Variants in USH2A observed in about 807,000 individuals in gnomAD.
USH2A encodes Usher syndrome 2A (autosomal recessive, mild).
A neutral mutation model predicts 538.9 loss-of-function variants in USH2A; 443 were observed. The observed-to-expected ratio is 0.82, with a 90% CI of 0.76 to 0.89. The LOEUF is 0.89. Among genes scored for constraint, USH2A ranks in the 40% least tolerant of loss-of-function variants. The pLI, the probability that USH2A is intolerant of heterozygous loss-of-function variation, is 0.00. For synonymous variants in USH2A, 2,413 were observed against 2,273.5 expected, an observed-to-expected ratio of 1.06 and a Z score of -1.75; for missense variants, 6,633 against 6,324.8, an observed-to-expected ratio of 1.05 and a Z score of -1.65.
chr1:216,355,383 G>GAAAGAAAC lies in USH2A; in HGVS notation c.784+9569_784+9570insGTTTCTTT, dbSNP rs879931965. The stretch of plus-strand genomic sequence containing the variant: ...AGAAAGAAAGAAAGAAAGAAGGAAA[G>GAAAGAAAC]AAACATATAGTATACAAGAAAACAT... On this transcript the variant is annotated intron_variant, in intron 4 of 71. Transcript: ENST00000307340. Among the ~76,000 whole-genome samples, 77 of 148,420 alleles carry GAAAGAAAC rather than the reference G, an allele frequency of 5.2e-4. 2 individuals are homozygous for GAAAGAAAC. Among genetic ancestry groups the GAAAGAAAC allele is most frequent in the Admixed American group, 6.7e-4 (10 of 14,820 alleles).
chr1:216,269,353 A>G (rs1263263903), intron 11 of USH2A, among the ~76,000 whole-genome samples: 1 of 152,056 alleles, frequency 6.6e-6, no homozygotes, highest in East Asian at 1.9e-4. Flanking sequence ...ACAAGATGTG[A>G]CTTACTCCTC....
At chr1:215,748,961 CT>C (rs1660554148) in intron 58 of USH2A, among the ~76,000 whole-genome samples, 1 of 152,194 alleles carries the variant, frequency 6.6e-6, no homozygotes, top group Non-Finnish European at 1.5e-5. Flanking sequence ...CCCTCAAACA[CT>C]TTTGAATCCA....
chr1:216,006,205 C>G (rs77007851), intron 32 of USH2A, among the ~76,000 whole-genome samples: 5,535 of 152,256 alleles, frequency 0.036, 324 homozygotes, highest in African/African-American at 0.13. Flanking sequence ...CCTACTACTT[C>G]ATAATCTTCA....
chr1:215,869,602 T>A (rs1436902847), intron 43 of USH2A, among the ~76,000 whole-genome samples: 1 of 152,184 alleles, frequency 6.6e-6, no homozygotes, highest in Admixed American at 6.5e-5. Flanking sequence ...GCTCTCTCCC[T>A]GGGTAAAATA....
At chr1:216,010,446 C>G (rs983631053) in intron 32 of USH2A, among the ~76,000 whole-genome samples, 8 of 151,380 alleles carry the variant, frequency 5.3e-5, no homozygotes, top group African/African-American at 1.9e-4. Context: ...TCTGACTGAC[C>G]CCTTCTCGGC....
intron 38 of USH2A, among the ~76,000 whole-genome samples, chr1:215,902,024 AACTATTATT>A (rs1224397949): frequency 6.6e-6 from 1 of 151,994 alleles, no homozygotes; most frequent in Non-Finnish European, 1.5e-5. Flanking sequence ...ATTAGTCACT[AACTATTATT>A]ACTATTATTA....
intron 21 of USH2A, among the ~76,000 whole-genome samples, chr1:216,136,255 A>G (rs910480104): frequency 6.6e-6 from 1 of 152,094 alleles, no homozygotes; most frequent in Non-Finnish European, 1.5e-5. Flanking sequence ...ATCTCTATAA[A>G]TATAAGAAAA....
chr1:215,761,141 C>T (rs61339549), intron 56 of USH2A, among the ~76,000 whole-genome samples: 10,666 of 152,164 alleles, frequency 0.07, 738 homozygotes, highest in East Asian at 0.36. Context: ...TTTTGAACTT[C>T]GGTTCCTTTG....
chr1:216,077,000 G>A (rs2031775425), intron 27 of USH2A, among the ~76,000 whole-genome samples: 1 of 152,114 alleles, frequency 6.6e-6, no homozygotes, highest in East Asian at 1.9e-4. Context: ...CTTTATAACA[G>A]GCTGCCTGAG....
chr1:216,179,523 C>T (rs527926227), intron 20 of USH2A, among the ~76,000 whole-genome samples: 1 of 151,910 alleles, frequency 6.6e-6, no homozygotes, highest in East Asian at 1.9e-4. Context: ...AAAAACAAAA[C>T]AAAAAACATT....
At position 216,084,791 on chromosome 1, in the gene USH2A, C is replaced by A. The variant is rs1571948108; in HGVS notation, c.5074G>T (p.Asp1692Tyr). ...ATTTGTTCTTCAGAACTCTGCCAAT[C>A]CAGAGGTTCCCAAATAGCTGACGGA... ...YNPSAIWEPL[D>Y]WQSSEEQINV... Residue 1692 changes from aspartate (D) to tyrosine (Y), a missense_variant, in exon 25 of 72, where the codon GAT (aspartate) becomes TAT (tyrosine). Transcript: ENST00000307340. 1.9e-5 allele frequency: 30 copies of A among 1,613,556 alleles called. No homozygotes were observed. Among genetic ancestry groups the A allele is most frequent in the Non-Finnish European group, 2.5e-5 (29 of 1,179,700 alleles).
chr1:216,381,111 T>G (rs1358043166), intron 3 of USH2A, among the ~76,000 whole-genome samples: 1 of 152,104 alleles, frequency 6.6e-6, no homozygotes, highest in Non-Finnish European at 1.5e-5. Context: ...GAAATTAGTG[T>G]GTTTTACAGA....
intron 37 of USH2A, among the ~76,000 whole-genome samples, chr1:215,945,248 A>C (rs1332870234): frequency 1.3e-5 from 2 of 152,150 alleles, no homozygotes; most frequent in African/African-American, 4.8e-5. Flanking sequence ...TCTAATTTAA[A>C]GTTGAGCTGT....
intron 37 of USH2A, among the ~76,000 whole-genome samples, chr1:215,942,901 C>T (rs1188551346): frequency 6.6e-6 from 1 of 152,102 alleles, no homozygotes; most frequent in African/African-American, 2.4e-5. Context: ...AGCTGGTGTT[C>T]CCAGGTGTGG....
At chr1:215,754,900 G>A (rs1322863871) in intron 58 of USH2A, among the ~76,000 whole-genome samples, 1 of 152,180 alleles carries the variant, frequency 6.6e-6, no homozygotes, top group Non-Finnish European at 1.5e-5. Flanking sequence ...TTTTGGATGG[G>A]TAGGTAAAGC....
At chr1:216,048,739 G>A in intron 30 of USH2A, 92 bp from the exon 31 acceptor site, 2 of 1,069,044 alleles carry the variant, frequency 1.9e-6, no homozygotes. Context: ...GTCTATAAGA[G>A]AGAGAGACAA....
chr1:216,140,278 G>A (rs2033575232), intron 21 of USH2A, among the ~76,000 whole-genome samples: 2 of 152,056 alleles, frequency 1.3e-5, no homozygotes, highest in African/African-American at 4.8e-5. Flanking sequence ...ATGCTTTCCA[G>A]GGGCATGCAC....
chr1:215,749,096 G>T (rs1399189703), intron 58 of USH2A, among the ~76,000 whole-genome samples: 2 of 152,116 alleles, frequency 1.3e-5, no homozygotes, highest in Non-Finnish European at 2.9e-5. Flanking sequence ...TGATCAAATT[G>T]CATTCCTACG....
chr1:216,257,172 T>C (rs560780403), intron 11 of USH2A, among the ~76,000 whole-genome samples: 9 of 152,048 alleles, frequency 5.9e-5, no homozygotes, highest in Non-Finnish European at 1.3e-4. Flanking sequence ...TACCATTTTA[T>C]TTCCTACTGA....
Sources: gnomAD v4.1 joint callset for allele counts (sites outside exome capture counted in the v4.1 genomes callset) on GRCh38, gnomAD v4.1.1 for gene constraint, MANE v1.5 for transcripts, NCBI Gene and HGNC (gene_info 2026-07-23, HGNC 2026-07-21) for gene names.